CDV3: variants seen among roughly 807,000 people sequenced by gnomAD.
CDV3 encodes the protein protein CDV3 homolog.
Under a neutral mutation model 24.5 loss-of-function variants are expected in CDV3, and 14 were observed. The observed-to-expected ratio is 0.57, with a 90% CI of 0.38 to 0.89. The LOEUF (loss-of-function observed/expected upper bound fraction) is 0.89. Ranked by LOEUF, CDV3 falls within the 40% of genes least tolerant of loss-of-function variation. The probability of loss-of-function intolerance (pLI) is 0.00; values close to 1 mark genes in which losing one functional copy is unlikely to be tolerated. For synonymous variants in CDV3, 114 were observed against 114.1 expected, an observed-to-expected ratio of 1.00 and a Z score of 0.00; for missense variants, 304 against 310.2, an observed-to-expected ratio of 0.98 and a Z score of 0.15.
intron 1 of CDV3, chr3:133,574,731 C>A: frequency 1.8e-6 from 2 of 1,097,618 alleles, no homozygotes; most frequent in Non-Finnish European, 2.2e-6. Flanking sequence ...AAAGAAAACT[C>A]TCGGTGGCAA....
chr3:133,581,469 A>G (rs892639653), intron 2 of CDV3, among the ~76,000 whole-genome samples: 1 of 152,242 alleles, frequency 6.6e-6, no homozygotes, highest in Non-Finnish European at 1.5e-5. Context: ...TTTTTGAGAA[A>G]AATGTAGAAG....
At position 133,576,841 on chromosome 3, in the gene CDV3, C is replaced by CTTTTTT. The variant is rs370619351; in HGVS notation, c.317+1744_317+1749dup. Among the ~76,000 whole-genome samples, 384 of 62,350 alleles carry CTTTTTT rather than the reference C, an allele frequency of 6.2e-3. 91 individuals carry two copies. The highest frequency in any genetic ancestry group is 0.013 in the African/African-American group (190 of 14,710). The allele number at this position is 62,350 out of a possible 152,430, so 40.9% of individuals were successfully genotyped here. On this transcript the variant is annotated intron_variant, in intron 2 of 4. Coordinates refer to ENST00000264993, the MANE Select transcript of CDV3 (RefSeq NM_017548.5). Reference sequence around the variant, plus strand: ...TCTGTTCAACCTGAAGGTAGACTAGCTTTTTTTTTTTTTTTTTTTTTTTGA... The same window carrying CTTTTTT: ...TCTGTTCAACCTGAAGGTAGACTAGCTTTTTTTTTTTTTTTTTTTTTTTTTTTTTGA...
At chr3:133,577,479 GC>G (rs548397412) in intron 2 of CDV3, among the ~76,000 whole-genome samples, 4 of 151,848 alleles carry the variant, frequency 2.6e-5, no homozygotes, top group Non-Finnish European at 5.9e-5. Context: ...TCCTGCCTCA[GC>G]CTTCCGAGTA....
intron 4 of CDV3, chr3:133,587,649 C>T: frequency 8.4e-7 from 1 of 1,188,176 alleles, no homozygotes; most frequent in South Asian, 3.7e-5. Context: ...CAAGTTTGTC[C>T]TGAAATAGGG....
chr3:133,575,136 TGTTTAG>T (rs779812569), intron 2 of CDV3, 21 bp downstream of exon 2: 3 of 1,331,158 alleles, frequency 2.3e-6, no homozygotes, highest in Non-Finnish European at 3.2e-6. Context: ...GTTACAAATG[TGTTTAG>T]ATAACCTTTG....
At chr3:133,587,836 A>G in intron 4 of CDV3, 60 bp from the exon 5 acceptor site, 7 of 1,530,152 alleles carry the variant, frequency 4.6e-6, no homozygotes, top group South Asian at 1.3e-5. Context: ...TCAAGGACGA[A>G]TATTTTCAAA....
chr3:133,579,447 T>C (rs754821169), intron 2 of CDV3, among the ~76,000 whole-genome samples: 13 of 152,300 alleles, frequency 8.5e-5, no homozygotes, highest in Non-Finnish European at 1.6e-4. Flanking sequence ...ATTTGGAGAG[T>C]TGATACTTTC....
At chr3:133,577,390 C>T (rs538495398) in intron 2 of CDV3, among the ~76,000 whole-genome samples, 2 of 149,096 alleles carry the variant, frequency 1.3e-5, no homozygotes, top group South Asian at 2.1e-4. Flanking sequence ...GACAGAGTTT[C>T]GCTCTTGTTG....
intron 4 of CDV3, chr3:133,587,651 G>T: frequency 8.4e-7 from 1 of 1,194,740 alleles, no homozygotes; most frequent in Non-Finnish European, 1.0e-6. Context: ...AGTTTGTCCT[G>T]AAATAGGGTC....
intron 2 of CDV3, among the ~76,000 whole-genome samples, chr3:133,580,278 T>TAC (rs2074965545): frequency 6.6e-6 from 1 of 152,244 alleles, no homozygotes; most frequent in East Asian, 1.9e-4. Flanking sequence ...GCTTTATCCA[T>TAC]GTCCCTGCAA....
intron 2 of CDV3, among the ~76,000 whole-genome samples, chr3:133,575,997 A>G (rs927951076): frequency 1.6e-4 from 24 of 152,264 alleles, no homozygotes; most frequent in African/African-American, 5.8e-4. Context: ...TTTATAGGCA[A>G]TGCCAGTGAG....
chr3:133,578,760 G>C (rs1051178091), intron 2 of CDV3, among the ~76,000 whole-genome samples: 4 of 152,120 alleles, frequency 2.6e-5, no homozygotes, highest in African/African-American at 7.2e-5. Context: ...GGAGATGCCC[G>C]GTATTCCAGC....
chr3:133,577,767 C>T (rs144927542), intron 2 of CDV3, among the ~76,000 whole-genome samples: 2 of 152,290 alleles, frequency 1.3e-5, no homozygotes, highest in East Asian at 1.9e-4. Context: ...TAGCAGCAAA[C>T]GTATTATATA....
chr3:133,586,547 T>C lies in CDV3; in HGVS notation c.467-16T>C. ...GCATTTAAATAGTTTATCTAAAAAT[T>C]GTTATAAAATATTAGTTACAGAAAC... On this transcript the variant is annotated splice_polypyrimidine_tract_variant and intron_variant, in intron 3 of 4. Coordinates refer to ENST00000264993, the MANE Select transcript of CDV3 (RefSeq NM_017548.5). The C allele has an allele frequency of 7.1e-7, 1 of 1,405,032 alleles. No homozygotes were observed. The highest frequency in any genetic ancestry group is 9.9e-7 in the Non-Finnish European group (1 of 1,006,900). The allele number at this position is 1,405,032 out of a possible 1,614,324, so 87.0% of individuals were successfully genotyped here. A position where few individuals can be genotyped will look rare whatever the true frequency, so the allele number is the denominator to read the frequency against.
chr3:133,585,000 A>G (rs774232978), intron 3 of CDV3, among the ~76,000 whole-genome samples: 17 of 152,228 alleles, frequency 1.1e-4, no homozygotes, highest in Non-Finnish European at 2.5e-4. Context: ...AAAGAATAAC[A>G]TATCACTCCA....
At chr3:133,586,940 C>A (rs1270159167) in intron 4 of CDV3, among the ~76,000 whole-genome samples, 16 of 152,176 alleles carry the variant, frequency 1.1e-4, no homozygotes, top group Admixed American at 1.0e-3. Context: ...ACTTTGTCTT[C>A]TGTCTGCAAA....
intron 2 of CDV3, 37 bp from the exon 3 acceptor site, chr3:133,583,965 G>C: frequency 6.5e-7 from 1 of 1,537,942 alleles, no homozygotes; most frequent in Non-Finnish European, 8.9e-7. Flanking sequence ...AATTTTCTTG[G>C]TGATTCCTTA....
At chr3:133,582,630 C>A (rs953039829) in intron 2 of CDV3, among the ~76,000 whole-genome samples, 1 of 152,134 alleles carries the variant, frequency 6.6e-6, no homozygotes, top group Non-Finnish European at 1.5e-5. Context: ...CTGTGATGTT[C>A]CTAAGGTTAT....
At chr3:133,574,330 G>C in intron 1 of CDV3, 46 bp downstream of exon 1, 1 of 924,764 alleles carries the variant, frequency 1.1e-6, no homozygotes, top group Non-Finnish European at 1.3e-6. Context: ...CCGCGCGCCG[G>C]CGCCCCATGT....
Sources: allele counts gnomAD v4.1 joint callset (sites outside exome capture counted in the v4.1 genomes callset), GRCh38; gene constraint gnomAD v4.1.1; transcripts MANE v1.5; gene names NCBI Gene and HGNC (gene_info 2026-07-23, HGNC 2026-07-21).